Variants in SPOCK3 observed in about 807,000 individuals in gnomAD.
The protein encoded by SPOCK3 is SPARC (osteonectin), cwcv and kazal like domains proteoglycan 3, also known as testican-3.
In SPOCK3, 30 loss-of-function variants were observed where a neutral mutation model predicts 56.6. The ratio of observed to expected loss-of-function variants is 0.53; its 90% confidence interval spans 0.40 to 0.72. The LOEUF is 0.72. Ranked by LOEUF, SPOCK3 falls within the 30% of genes least tolerant of loss-of-function variation. SPOCK3 has a pLI of 0.00. For missense variants in SPOCK3, 527 were observed against 530.0 expected, an observed-to-expected ratio of 0.99 and a Z score of 0.06; for synonymous variants, 196 against 183.3, an observed-to-expected ratio of 1.07 and a Z score of -0.56.
In SPOCK3 at chr4:166,956,358, CT is replaced by C. The variant is rs1352126123; in HGVS notation, c.351-43616del. Among the ~76,000 whole-genome samples, 4 of 152,238 alleles carry C rather than the reference CT, an allele frequency of 2.6e-5. No homozygotes were observed. The East Asian group carries it at 7.7e-4, about 29-fold the overall frequency. ...ATAGCAATATGCCAGCAACACTGTG[CT>C]TGCACTTTGGGGCCACTATGAAGTA... On this transcript the variant is annotated intron_variant, in intron 4 of 10. Coordinates refer to ENST00000357545, the MANE Select transcript of SPOCK3 (RefSeq NM_001040159.2).
chr4:167,160,660 C>A (rs1381456159), intron 2 of SPOCK3, among the ~76,000 whole-genome samples: 5 of 152,044 alleles, frequency 3.3e-5, no homozygotes, highest in Non-Finnish European at 7.4e-5. Context: ...GCTACAGTAA[C>A]CAAAACAGCA....
intron 2 of SPOCK3, among the ~76,000 whole-genome samples, chr4:167,086,628 A>G (rs1179141696): frequency 6.6e-6 from 1 of 152,122 alleles, no homozygotes; most frequent in Non-Finnish European, 1.5e-5. Flanking sequence ...TTTTGCTACA[A>G]TCAACACTTT....
intron 6 of SPOCK3, among the ~76,000 whole-genome samples, chr4:166,874,199 C>T (rs1732827207): frequency 6.6e-6 from 1 of 152,100 alleles, no homozygotes; most frequent in Non-Finnish European, 1.5e-5. Flanking sequence ...TGGCGTTCCT[C>T]AGCTAATACT....
intron 2 of SPOCK3, among the ~76,000 whole-genome samples, chr4:167,216,642 A>T (rs1735389068): frequency 1.3e-5 from 2 of 151,924 alleles, no homozygotes; most frequent in African/African-American, 2.4e-5. Flanking sequence ...GGTCATTTAA[A>T]TTTTTTTTGC....
intron 6 of SPOCK3, among the ~76,000 whole-genome samples, chr4:166,794,832 G>A (rs1004795945): frequency 2.4e-4 from 36 of 151,762 alleles, no homozygotes; most frequent in African/African-American, 6.0e-4. Flanking sequence ...TAGTAGAGAC[G>A]GGGTTTCACC....
chr4:167,119,427 A>G (rs954755547), intron 2 of SPOCK3, among the ~76,000 whole-genome samples: 1 of 152,160 alleles, frequency 6.6e-6, no homozygotes, highest in Non-Finnish European at 1.5e-5. Context: ...TCTTATAAAG[A>G]AATCTTTTGA....
chr4:166,982,569 A>G (rs1288469726), intron 4 of SPOCK3, among the ~76,000 whole-genome samples: 2 of 152,174 alleles, frequency 1.3e-5, no homozygotes, highest in Non-Finnish European at 2.9e-5. Context: ...AATAAATCAA[A>G]TAAATAAAAA....
At position 166,889,114 on chromosome 4, in the gene SPOCK3, T is replaced by C. The variant is rs757061403; in HGVS notation, c.589+16A>G. The C allele has an allele frequency of 2.6e-5, 37 of 1,434,070 alleles. No individual in the cohort carries two copies. The highest frequency in any genetic ancestry group is 3.6e-5 in the Non-Finnish European group (37 of 1,017,418). 88.8% of individuals were successfully genotyped at this position (1,434,070 alleles called of 1,614,324 possible). A position where few individuals can be genotyped will look rare whatever the true frequency, so the allele number is the denominator to read the frequency against. On this transcript the variant is annotated intron_variant, in intron 6 of 10. Transcript: ENST00000357545. ...AGTGATGAATGTAAAATTATAAATA[T>C]ATTTTTGTCACTTACCTCTCTTAAC...
At chr4:167,209,543 C>A (rs1020030388) in intron 2 of SPOCK3, among the ~76,000 whole-genome samples, 4 of 152,032 alleles carry the variant, frequency 2.6e-5, no homozygotes, top group Admixed American at 6.6e-5. Context: ...GTCCTATGTT[C>A]AAAAAATCCC....
chr4:167,169,453 G>A (rs1730302933), intron 2 of SPOCK3, among the ~76,000 whole-genome samples: 1 of 152,188 alleles, frequency 6.6e-6, no homozygotes, highest in African/African-American at 2.4e-5. Flanking sequence ...AGAATCGACT[G>A]CCCTGTTGGA....
chr4:167,117,460 A>C (rs1440620674), intron 2 of SPOCK3, among the ~76,000 whole-genome samples: 1 of 152,092 alleles, frequency 6.6e-6, no homozygotes, highest in Non-Finnish European at 1.5e-5. Context: ...GAGCAGCAGA[A>C]AGCTGCAACA....
chr4:167,039,240 A>G (rs967238934), intron 3 of SPOCK3, among the ~76,000 whole-genome samples: 3 of 152,166 alleles, frequency 2.0e-5, no homozygotes, highest in African/African-American at 7.2e-5. Context: ...AAAGACGCCC[A>G]TCATATTGGA....
chr4:166,818,922 T>C (rs1744647961), intron 6 of SPOCK3, among the ~76,000 whole-genome samples: 1 of 152,040 alleles, frequency 6.6e-6, no homozygotes, highest in Non-Finnish European at 1.5e-5. Context: ...ATTTTTAAAG[T>C]CTCTAGACTT....
intron 6 of SPOCK3, among the ~76,000 whole-genome samples, chr4:166,879,281 C>T (rs538074371): frequency 3.3e-5 from 5 of 151,986 alleles, no homozygotes; most frequent in Admixed American, 6.6e-5. Flanking sequence ...GTAATCCCAG[C>T]GCTTTGGGAG....
chr4:166,830,761 C>G (rs568885707), intron 6 of SPOCK3, among the ~76,000 whole-genome samples: 1 of 151,856 alleles, frequency 6.6e-6, no homozygotes. Flanking sequence ...AAAAAAGATC[C>G]GACAATCATA....
At chr4:167,084,419 A>G (rs1450312452) in intron 2 of SPOCK3, among the ~76,000 whole-genome samples, 1 of 152,100 alleles carries the variant, frequency 6.6e-6, no homozygotes, top group East Asian at 1.9e-4. Context: ...TTCTCTGAGA[A>G]TAAGTTCACC....
chr4:167,112,573 G>A (rs1233755315), intron 2 of SPOCK3, among the ~76,000 whole-genome samples: 1 of 152,050 alleles, frequency 6.6e-6, no homozygotes, highest in Non-Finnish European at 1.5e-5. Flanking sequence ...TCCAACAGGA[G>A]GTGGAAAAGA....
At chr4:167,233,958 C>G (rs1282969202) in intron 2 of SPOCK3, 27 bp downstream of exon 2, 1 of 1,602,030 alleles carries the variant, frequency 6.2e-7, no homozygotes, top group Non-Finnish European at 8.5e-7. Flanking sequence ...GCGCGTGTGC[C>G]CGGGGATGTG....
intron 2 of SPOCK3, among the ~76,000 whole-genome samples, chr4:167,222,586 A>T (rs2111112013): frequency 7.0e-6 from 1 of 142,370 alleles, no homozygotes; most frequent in African/African-American, 2.6e-5. Context: ...TCATATATGA[A>T]TATATAATAT....
Sources: gnomAD v4.1 joint callset for allele counts (sites outside exome capture counted in the v4.1 genomes callset) on GRCh38, gnomAD v4.1.1 for gene constraint, MANE v1.5 for transcripts, NCBI Gene and HGNC (gene_info 2026-07-23, HGNC 2026-07-21) for gene names.